Variants in BBS7 observed in about 807,000 individuals in gnomAD.
BBS7 encodes BBSome complex member BBS7.
A neutral mutation model predicts 90.3 loss-of-function variants in BBS7; 50 were observed. The observed-to-expected ratio is 0.55, with a 90% CI of 0.44 to 0.70. The LOEUF is 0.70. Ranked by LOEUF, BBS7 falls within the 30% of genes least tolerant of loss-of-function variation. BBS7 has a pLI of 0.00. For synonymous variants in BBS7, 235 were observed against 287.4 expected, an observed-to-expected ratio of 0.82 and a Z score of 1.85; for missense variants, 729 against 838.9, an observed-to-expected ratio of 0.87 and a Z score of 1.62.
At position 121,828,745 on chromosome 4, in the gene BBS7, T is replaced by C. The variant is rs1725030901; in HGVS notation, c.1677-17A>G. 5.0e-6 allele frequency: 7 copies of C among 1,408,924 alleles called. No homozygotes were observed. In the East Asian group the frequency reaches 1.2e-4, roughly 25 times the overall value. 87.3% of individuals were successfully genotyped at this position (1,408,924 alleles called of 1,614,324 possible). A position where few individuals can be genotyped will look rare whatever the true frequency, so the allele number is the denominator to read the frequency against. On this transcript the variant is annotated splice_polypyrimidine_tract_variant and intron_variant, in intron 15 of 18. Coordinates refer to ENST00000264499, the MANE Select transcript of BBS7 (RefSeq NM_176824.3). ...TCTCCTTTTCTATAAAATTAATATA[T>C]TTTTTAAAAGAATAGCTGTAGAAGG... is the stretch of plus-strand genomic sequence containing the variant.
intron 11 of BBS7, among the ~76,000 whole-genome samples, chr4:121,845,021 T>C (rs1230707058): frequency 6.6e-6 from 1 of 152,120 alleles, no homozygotes; most frequent in Non-Finnish European, 1.5e-5. Context: ...ATTCAAATAA[T>C]CTGTGAGCAA....
In BBS7 at chr4:121,859,139, G is replaced by A; in HGVS notation, c.381C>T (p.Tyr127=). The change falls in exon 5 of 19, where the codon TAC becomes TAT. Residue 127 remains tyrosine (Y), a synonymous_variant. Coordinates refer to ENST00000264499, the MANE Select transcript of BBS7 (RefSeq NM_176824.3). ...SGSDLFLSAS[Y]IYNHYCDCKD... ...TGCAGTCACAATAATGGTTATAGAT[G>A]TAACTTGCACTGAGAAAGAGGTCTG... 3 of 1,613,848 alleles carry A rather than the reference G, an allele frequency of 1.9e-6. No individual in the cohort carries two copies. Among genetic ancestry groups the A allele is most frequent in the East Asian group, 2.2e-5 (1 of 44,840 alleles).
chr4:121,834,678 T>G (rs1725359569), intron 14 of BBS7, among the ~76,000 whole-genome samples: 1 of 152,198 alleles, frequency 6.6e-6, no homozygotes, highest in Non-Finnish European at 1.5e-5. Context: ...TAAGCTCATG[T>G]TCTGAAAAAC....
At chr4:121,855,619 T>C (rs1726569563) in intron 5 of BBS7, 58 bp from the exon 6 acceptor site, 1 of 1,390,578 alleles carries the variant, frequency 7.2e-7, no homozygotes. Flanking sequence ...AATAGAGGCA[T>C]TCATGAATAA....
chr4:121,861,462 T>A, intron 4 of BBS7, 42 bp downstream of exon 4: 1 of 1,573,804 alleles, frequency 6.4e-7, no homozygotes, highest in Non-Finnish European at 8.7e-7. Flanking sequence ...CAAAATATTA[T>A]AAATAAGTAT....
At chr4:121,829,175 T>G (rs1323009597) in intron 15 of BBS7, among the ~76,000 whole-genome samples, 1 of 152,136 alleles carries the variant, frequency 6.6e-6, no homozygotes, top group Non-Finnish European at 1.5e-5. Flanking sequence ...AAGAGTGACA[T>G]CTGCTGTTTT....
chr4:121,851,744 A>C (rs776115442), intron 8 of BBS7, among the ~76,000 whole-genome samples: 21 of 152,238 alleles, frequency 1.4e-4, no homozygotes, highest in Non-Finnish European at 2.9e-5. Context: ...TGTGTCAGAC[A>C]GTACGTCTTC....
At position 121,863,237 on chromosome 4, in the gene BBS7, T is replaced by A; in HGVS notation, c.145A>T (p.Met49Leu). The change falls in exon 3 of 19, where the codon ATG (methionine) becomes TTG (leucine). Residue 49 changes from methionine to leucine, a missense_variant. Transcript: ENST00000264499. ...CTTACTGCTGCTTCTCCTTTCTTCA[T>A]GCCAAAGCACATAACTACCCCATCA... ...DHDGVVMCFG[M>L]KKGEAAAVFK... is the part of the protein sequence containing the mutation. The A allele has an allele frequency of 6.2e-7, 1 of 1,613,960 alleles. No individual in the cohort carries two copies. Among genetic ancestry groups the A allele is most frequent in the Non-Finnish European group, 8.5e-7 (1 of 1,179,908 alleles).
intron 5 of BBS7, among the ~76,000 whole-genome samples, chr4:121,856,073 T>A (rs1726654102): frequency 6.6e-6 from 1 of 152,184 alleles, no homozygotes; most frequent in South Asian, 2.1e-4. Flanking sequence ...ACTGGCAGAT[T>A]TTCCTATCAA....
intron 2 of BBS7, among the ~76,000 whole-genome samples, chr4:121,865,922 G>A (rs1262261964): frequency 2.6e-5 from 4 of 152,042 alleles, no homozygotes; most frequent in African/African-American, 9.7e-5. Flanking sequence ...ATTCTAACTG[G>A]GGTAAGATGA....
chr4:121,826,766 G>C (rs1241680522), intron 18 of BBS7, among the ~76,000 whole-genome samples: 2 of 152,086 alleles, frequency 1.3e-5, no homozygotes, highest in Non-Finnish European at 2.9e-5. Context: ...GGCAGATCAC[G>C]AAGTCAGGGG....
At chr4:121,868,564 C>T (rs1440323435) in intron 1 of BBS7, among the ~76,000 whole-genome samples, 11 of 150,960 alleles carry the variant, frequency 7.3e-5, no homozygotes, top group Admixed American at 2.6e-4. Context: ...GCCTGCAGGC[C>T]CAACTACTTG....
chr4:121,869,837 C>T lies in BBS7; in HGVS notation c.36+441G>A, dbSNP rs372779662. Among the ~76,000 whole-genome samples, 36 of 152,320 alleles carry T rather than the reference C, an allele frequency of 2.4e-4. 1 individual carries two copies. Among genetic ancestry groups the T allele is most frequent in the South Asian group, 2.3e-3 (11 of 4,830 alleles). On this transcript the variant is annotated intron_variant, in intron 1 of 18. Transcript: ENST00000264499. ...AACAGGCGTGAGCCACTGCCCCCGG[C>T]CCGGTTTTCATTGCTTTTACCATGA...
At chr4:121,827,696 A>G (rs1560637432) in intron 18 of BBS7, 3 of 794,962 alleles carry the variant, frequency 3.8e-6, no homozygotes, top group Non-Finnish European at 4.6e-6. Flanking sequence ...TCACCACCAA[A>G]GTTTTGAACT....
At chr4:121,863,752 A>C (rs1578571468) in intron 2 of BBS7, among the ~76,000 whole-genome samples, 1 of 152,232 alleles carries the variant, frequency 6.6e-6, no homozygotes, top group Non-Finnish European at 1.5e-5. Context: ...CTTTTTTAAA[A>C]GAAAAATTTT....
intron 13 of BBS7, among the ~76,000 whole-genome samples, chr4:121,836,358 T>G (rs1394337592): frequency 6.6e-6 from 1 of 152,176 alleles, no homozygotes; most frequent in Non-Finnish European, 1.5e-5. Flanking sequence ...CCCATCCCAC[T>G]TATGCCTCCT....
chr4:121,828,969 A>G (rs963016360), intron 15 of BBS7, among the ~76,000 whole-genome samples: 2 of 95,042 alleles, frequency 2.1e-5, no homozygotes, highest in Non-Finnish European at 4.0e-5. Context: ...GTGACAATTT[A>G]TATAAAAACT....
intron 2 of BBS7, among the ~76,000 whole-genome samples, chr4:121,864,143 A>C (rs1205965155): frequency 6.6e-6 from 1 of 152,218 alleles, no homozygotes; most frequent in Non-Finnish European, 1.5e-5. Flanking sequence ...GTTTCATCCC[A>C]AAACAATCCC....
At chr4:121,857,969 G>C (rs1211108401) in intron 5 of BBS7, among the ~76,000 whole-genome samples, 1 of 152,006 alleles carries the variant, frequency 6.6e-6, no homozygotes, top group Non-Finnish European at 1.5e-5. Flanking sequence ...ACTGCACCCA[G>C]CTAATTTTGT....
Sources: gnomAD v4.1 joint callset for allele counts (sites outside exome capture counted in the v4.1 genomes callset) on GRCh38, gnomAD v4.1.1 for gene constraint, MANE v1.5 for transcripts, NCBI Gene and HGNC (gene_info 2026-07-23, HGNC 2026-07-21) for gene names.